The following LMCD1 variants were observed in gnomAD, a reference collection of about 807,000 sequenced individuals.
The protein encoded by LMCD1 is LIM and cysteine-rich domains protein 1.
In LMCD1, 32 loss-of-function variants were observed where a neutral mutation model predicts 42.7. The observed-to-expected ratio is 0.75, with a 90% confidence interval of 0.57 to 1.01. The LOEUF (loss-of-function observed/expected upper bound fraction) is 1.01, where lower values mean the gene tolerates loss of function less well. Among genes scored for constraint, LMCD1 ranks in the 50% least tolerant of loss-of-function variants. LMCD1 has a pLI of 0.00. For synonymous variants in LMCD1, 178 were observed against 184.9 expected, an observed-to-expected ratio of 0.96 and a Z score of 0.30; for missense variants, 458 against 483.1, an observed-to-expected ratio of 0.95 and a Z score of 0.49.
At chr3:8,522,651 A>G (rs1406822257) in intron 1 of LMCD1, among the ~76,000 whole-genome samples, 3 of 152,110 alleles carry the variant, frequency 2.0e-5, no homozygotes, top group Non-Finnish European at 4.4e-5. Flanking sequence ...ATTTTAACTT[A>G]ATCTCACCCA....
chr3:8,536,538 C>A (rs1363110091), intron 2 of LMCD1, among the ~76,000 whole-genome samples: 1 of 152,158 alleles, frequency 6.6e-6, no homozygotes, highest in Non-Finnish European at 1.5e-5. Flanking sequence ...TCACAAATTT[C>A]TTGAAGAAAA....
intron 1 of LMCD1, among the ~76,000 whole-genome samples, chr3:8,510,879 C>T (rs1693982916): frequency 6.6e-6 from 1 of 152,090 alleles, no homozygotes; most frequent in South Asian, 2.1e-4. Context: ...GACAAAGAAC[C>T]TAAAAATATA....
chr3:8,552,969 C>T (rs759756061), intron 4 of LMCD1, among the ~76,000 whole-genome samples: 16 of 152,120 alleles, frequency 1.1e-4, no homozygotes, highest in Admixed American at 3.3e-4. Context: ...GTGATCCACC[C>T]GCCTCAGCCT....
intron 1 of LMCD1, among the ~76,000 whole-genome samples, chr3:8,524,200 G>GAAAA (rs767993356): frequency 2.3e-5 from 2 of 87,476 alleles, no homozygotes; most frequent in African/African-American, 8.5e-5. Flanking sequence ...ACTTCTTAAG[G>GAAAA]AAAAAAAAAA....
In LMCD1 at chr3:8,565,651, G is replaced by T; in HGVS notation, c.939+4G>T. On this transcript the variant is annotated splice_donor_region_variant and intron_variant, in intron 5 of 5. Transcript: ENST00000157600. ...CCGGTGCTCCGGCTGCGATGAGGTG[G>T]GAGATAGCCGCGAGATGGGTTAGGG... 1 of 1,585,816 alleles carries T rather than the reference G, an allele frequency of 6.3e-7. No individual in the cohort carries two copies. The highest frequency in any genetic ancestry group is 8.6e-7 in the Non-Finnish European group (1 of 1,166,294).
rs1695247026 is a variant in LMCD1, at chr3:8,573,233, T to C, written c.*5635T>C. The C allele has an allele frequency of 6.6e-6, 1 of 152,226 alleles. No homozygotes were observed. Among genetic ancestry groups the C allele is most frequent in the Non-Finnish European group, 1.5e-5 (1 of 68,042 alleles). 9.4% of individuals were successfully genotyped at this position (152,226 alleles called of 1,614,324 possible). On this transcript the variant is annotated 3_prime_UTR_variant, in exon 6 of 6. Coordinates refer to ENST00000157600, the MANE Select transcript of LMCD1 (RefSeq NM_014583.4). ...GTGAATTACACATTTCTGAAGCCAT[T>C]ACACTTCCTAGTTTATTTGGATTTA... is the stretch of plus-strand genomic sequence containing the variant.
At chr3:8,545,770 C>T (rs756649032) in intron 3 of LMCD1, among the ~76,000 whole-genome samples, 48 of 152,160 alleles carry the variant, frequency 3.2e-4, no homozygotes, top group Non-Finnish European at 4.1e-4. Context: ...CATTGAGAGA[C>T]ACTACTTTGA....
intron 2 of LMCD1, among the ~76,000 whole-genome samples, chr3:8,535,366 A>C (rs1476990658): frequency 6.6e-6 from 1 of 152,124 alleles, no homozygotes; most frequent in East Asian, 1.9e-4. Flanking sequence ...TCCCTGCAGC[A>C]CCCTGAGGGT....
At chr3:8,537,483 A>G (rs199580920) in intron 3 of LMCD1, 43 bp downstream of exon 3, 21 of 1,511,838 alleles carry the variant, frequency 1.4e-5, no homozygotes, top group Non-Finnish European at 1.8e-5. Context: ...TCCTATCCTC[A>G]TAAATACTAG....
At chr3:8,508,503 A>C (rs1330714482) in intron 1 of LMCD1, among the ~76,000 whole-genome samples, 1 of 152,210 alleles carries the variant, frequency 6.6e-6, no homozygotes, top group Non-Finnish European at 1.5e-5. Flanking sequence ...CCTGTTTAAA[A>C]AATATTGAAT....
At position 8,517,199 on chromosome 3, in the gene LMCD1, A is replaced by G. The variant is rs1186538704; in HGVS notation, c.42+15219A>G. Among the ~76,000 whole-genome samples the G allele has an allele frequency of 1.3e-5, 2 of 152,232 alleles. 1 individual carries two copies. The highest frequency in any genetic ancestry group is 1.3e-4 in the Admixed American group (2 of 15,278). ...AATCTGAAACTTCCTGAGTGCTGACATGAAGCCATGAGTGGAAAATTCCAC... is the reference window on the plus strand; with the variant it reads ...AATCTGAAACTTCCTGAGTGCTGACGTGAAGCCATGAGTGGAAAATTCCAC... On this transcript the variant is annotated intron_variant, in intron 1 of 5. Coordinates refer to ENST00000157600, the MANE Select transcript of LMCD1 (RefSeq NM_014583.4).
intron 1 of LMCD1, among the ~76,000 whole-genome samples, chr3:8,512,017 A>G (rs1027464881): frequency 6.6e-5 from 10 of 152,242 alleles, no homozygotes; most frequent in Non-Finnish European, 1.5e-4. Context: ...AAAGGAACAC[A>G]CACGTATGTG....
At position 8,572,626 on chromosome 3, in the gene LMCD1, A is replaced by T. The variant is rs771308309; in HGVS notation, c.*5028A>T. On this transcript the variant is annotated 3_prime_UTR_variant, in exon 6 of 6. Coordinates refer to ENST00000157600, the MANE Select transcript of LMCD1 (RefSeq NM_014583.4). ...ATCTTCTCCCCATTTATTAATTCAC[A>T]TATTTACATCAGCTTGGAGTTATTG... The T allele has an allele frequency of 3.7e-4, 56 of 152,212 alleles. No individual in the cohort carries two copies. Among genetic ancestry groups the T allele is most frequent in the Admixed American group, 3.3e-4 (5 of 15,284 alleles). The allele number at this position is 152,212 out of a possible 1,614,324, so 9.4% of individuals were successfully genotyped here. A position where few individuals can be genotyped will look rare whatever the true frequency, so the allele number is the denominator to read the frequency against.
At chr3:8,510,460 G>A (rs1003948452) in intron 1 of LMCD1, among the ~76,000 whole-genome samples, 5 of 152,224 alleles carry the variant, frequency 3.3e-5, no homozygotes, top group Non-Finnish European at 5.9e-5. Flanking sequence ...CCTAGGATCT[G>A]TAGATAGAAT....
chr3:8,565,457 C>A lies in LMCD1; in HGVS notation c.749C>A (p.Ala250Asp). 1 of 1,614,202 alleles carries A rather than the reference C, an allele frequency of 6.2e-7. No homozygotes were observed. Among genetic ancestry groups the A allele is most frequent in the Non-Finnish European group, 8.5e-7 (1 of 1,180,030 alleles). Residue 250 changes from alanine to aspartate, a missense_variant, in exon 5 of 6, where the codon GCC becomes GAC. Physicochemically the swap from Ala to Asp is moderately radical, Grantham distance 126 (BLOSUM62 -2). Coordinates refer to ENST00000157600, the MANE Select transcript of LMCD1 (RefSeq NM_014583.4). ...GTCTGCGAGCTCTGCAAGGGAGCGG[C>A]CCCTCCTGACAGCCCCGTGGTCTAC... ...EYVCELCKGA[A>D]PPDSPVVYSD...
At chr3:8,561,769 C>T (rs1267634224) in intron 4 of LMCD1, among the ~76,000 whole-genome samples, 3 of 152,142 alleles carry the variant, frequency 2.0e-5, no homozygotes, top group African/African-American at 4.8e-5. Flanking sequence ...ATAACTCTCT[C>T]GGGCTTATGT....
intron 1 of LMCD1, 148 bp downstream of exon 1, chr3:8,502,128 G>T: frequency 6.0e-6 from 4 of 671,352 alleles, no homozygotes; most frequent in Non-Finnish European, 9.8e-6. Context: ...GGGAATACAT[G>T]TTTGAGCTAA....
chr3:8,543,428 T>C (rs62242266), intron 3 of LMCD1, among the ~76,000 whole-genome samples: 9 of 124,076 alleles, frequency 7.3e-5, no homozygotes, highest in African/African-American at 2.8e-4. Flanking sequence ...GATAGATAGA[T>C]AGATAGATAG....
intron 1 of LMCD1, among the ~76,000 whole-genome samples, chr3:8,505,725 G>C (rs1412451520): frequency 1.3e-5 from 2 of 152,230 alleles, no homozygotes; most frequent in Non-Finnish European, 2.9e-5. Context: ...CCACCTGGAT[G>C]TCTCTCTCCA....
Sources: allele counts gnomAD v4.1 joint callset (sites outside exome capture counted in the v4.1 genomes callset), GRCh38; gene constraint gnomAD v4.1.1; transcripts MANE v1.5; gene names NCBI Gene and HGNC (gene_info 2026-07-23, HGNC 2026-07-21).